The following BRPF3 variants were observed in gnomAD, a reference collection of about 807,000 sequenced individuals.
BRPF3 encodes bromodomain and PHD finger-containing protein 3.
A neutral mutation model predicts 102.0 loss-of-function variants in BRPF3; 18 were observed. The observed-to-expected ratio is 0.18, with a 90% confidence interval of 0.12 to 0.26. The LOEUF (loss-of-function observed/expected upper bound fraction) is 0.26, where lower values mean the gene tolerates loss of function less well. Ranked by LOEUF, BRPF3 falls within the 10% of genes least tolerant of loss-of-function variation. The pLI, the probability that BRPF3 is intolerant of heterozygous loss-of-function variation, is 1.00. For synonymous variants in BRPF3, 570 were observed against 614.2 expected (o/e 0.93, Z 1.06); for missense variants, 1,147 against 1,567.8 (o/e 0.73, Z 4.53).
chr6:36,230,817 A>C lies in BRPF3; in HGVS notation c.*208A>C. ...GGCCTGCTGTGTGCCAAAAACTCCC[A>C]CCCAAGGTCCCTCAGGGGATATTTC... On this transcript the variant is annotated 3_prime_UTR_variant, in exon 13 of 13. Transcript: ENST00000357641. The surrounding 1 kb of genome is among the most constrained non-coding windows in gnomAD (Gnocchi z 5.4). 1.7e-6 allele frequency: 1 copy of C among 590,554 alleles called. No individual in the cohort carries two copies. The highest frequency in any genetic ancestry group is 2.3e-5 in the South Asian group (1 of 43,846). 36.6% of individuals were successfully genotyped at this position (590,554 alleles called of 1,614,324 possible).
rs897865059 is a variant in BRPF3, at chr6:36,211,656, G to A, written c.2482+96G>A. 2.8e-6 allele frequency: 4 copies of A among 1,419,684 alleles called. No individual in the cohort carries two copies. The African/African-American group carries it at 5.7e-5, about 20-fold the overall frequency. 87.9% of individuals were successfully genotyped at this position (1,419,684 alleles called of 1,614,324 possible). On this transcript the variant is annotated intron_variant, in intron 7 of 12. Transcript: ENST00000357641. ...AATGGGGGTATTCTTTCTGAGTTTA[G>A]ATCTGACACTTGTGGGCAAGCAAAA...
Position 36,210,685 on chromosome 6 carries a change from A to C in BRPF3, c.2179+157A>C, listed in dbSNP as rs1768074240. Among the ~76,000 whole-genome samples the C allele has an allele frequency of 6.6e-6, 1 of 152,204 alleles. No individual in the cohort carries two copies. On this transcript the variant is annotated intron_variant, in intron 6 of 12. Transcript: ENST00000357641. This position sits in a 1 kb window ranked among gnomAD's most constrained non-coding sequence, Gnocchi z 4.7. Reference sequence around the variant, plus strand: ...GACTGAGGTATACCTTTGTGGCTAGAATAGTTCTAAGGGTTAAAGTTTAAC... The same window carrying C: ...GACTGAGGTATACCTTTGTGGCTAGCATAGTTCTAAGGGTTAAAGTTTAAC...
In BRPF3 at chr6:36,211,223, C is replaced by CT. The variant is rs762617606; in HGVS notation, c.2180-33dup. The CT allele has an allele frequency of 1.9e-6, 3 of 1,598,250 alleles. No individual in the cohort carries two copies. The South Asian group carries it at 3.4e-5, about 18-fold the overall frequency. On this transcript the variant is annotated intron_variant, in intron 6 of 12. Transcript: ENST00000357641. ...TCTCTTGCCCTGTGCTGGGCAGGTCCTTCAGCCCCTTCTGTCCTCCCTTCT... is the reference window on the plus strand; with the variant it reads ...TCTCTTGCCCTGTGCTGGGCAGGTCCTTTCAGCCCCTTCTGTCCTCCCTTCT...
chr6:36,209,694 A>G (rs1411292896), intron 4 of BRPF3, 93 bp from the exon 5 acceptor site: 3 of 1,495,650 alleles, frequency 2.0e-6, no homozygotes, highest in African/African-American at 2.8e-5. Context: ...AATTTGTTGT[A>G]CAAGATTGGT....
In BRPF3 at chr6:36,225,259, A is replaced by AC. The variant is rs1297329061; in HGVS notation, c.3182-3dup. 6.2e-7 allele frequency: 1 copy of AC among 1,603,064 alleles called. No homozygotes were observed. Among genetic ancestry groups the AC allele is most frequent in the South Asian group, 1.1e-5 (1 of 90,972 alleles). ...TGGGTGCTGTCTCCTCCCCTCCCCCACCCCCAGGCAGAAGCCTCCTGCTGC... is the reference window on the plus strand; with the variant it reads ...TGGGTGCTGTCTCCTCCCCTCCCCCACCCCCCAGGCAGAAGCCTCCTGCTGC... On this transcript the variant is annotated splice_polypyrimidine_tract_variant and splice_region_variant and intron_variant, in intron 10 of 12. Coordinates refer to ENST00000357641, the MANE Select transcript of BRPF3 (RefSeq NM_015695.3).
At chr6:36,213,783 C>A in intron 7 of BRPF3, 97 bp from the exon 8 acceptor site, 1 of 1,261,780 alleles carries the variant, frequency 7.9e-7, no homozygotes, top group South Asian at 1.5e-5. Flanking sequence ...CTTATAACAG[C>A]CAATGCTTTT....
At chr6:36,197,662 G>T (rs1399177648) in intron 1 of BRPF3, 1 of 151,830 alleles carries the variant, frequency 6.6e-6, no homozygotes, top group African/African-American at 2.4e-5. Context: ...GGGAAATCTG[G>T]GGGGGCGGGG....
chr6:36,201,741 G>T lies in BRPF3; in HGVS notation c.1419G>T (p.Met473Ile), dbSNP rs1270511581. 1.9e-6 allele frequency: 3 copies of T among 1,610,796 alleles called. No homozygotes were observed. Among genetic ancestry groups the T allele is most frequent in the African/African-American group, 2.7e-5 (2 of 74,892 alleles). ...AAGACACACCCTCCACTCTCCCCAT[G>T]CTTGCTGTCCCACAGATACCCTCTT... Reference protein sequence around the residue: ...AGQDTPSTLPMLAVPQIPSYR... With the variant: ...AGQDTPSTLPILAVPQIPSYR... The change falls in exon 2 of 13, where the codon ATG (methionine) becomes ATT (isoleucine). Residue 473 changes from methionine to isoleucine, a missense_variant. By Grantham distance (10) the Met-to-Ile change is conservative. Around this residue, in one of 11 missense-constraint regions of BRPF3, gnomAD observed 157 missense variants for 163.6 expected, o/e 0.96. Coordinates refer to ENST00000357641, the MANE Select transcript of BRPF3 (RefSeq NM_015695.3). This position sits in a 1 kb window ranked among gnomAD's most constrained non-coding sequence, Gnocchi z 5.1.
intron 4 of BRPF3, among the ~76,000 whole-genome samples, chr6:36,207,662 A>G (rs1767953074): frequency 6.6e-6 from 1 of 152,208 alleles, no homozygotes; most frequent in South Asian, 2.1e-4. Context: ...GGCCTCAAGC[A>G]TAAGCTTAAT....
At chr6:36,218,320 T>G (rs1581978023) in intron 9 of BRPF3, among the ~76,000 whole-genome samples, 1 of 152,052 alleles carries the variant, frequency 6.6e-6, no homozygotes, top group African/African-American at 2.4e-5. Flanking sequence ...TGAGCCAAAG[T>G]CCCCTGCTGC....
intron 1 of BRPF3, among the ~76,000 whole-genome samples, chr6:36,199,918 T>C (rs1029979250): frequency 3.9e-5 from 6 of 152,168 alleles, no homozygotes; most frequent in African/African-American, 1.4e-4. Flanking sequence ...CAAACAAAAA[T>C]TCTTCCCCTC....
Position 36,222,350 on chromosome 6 carries a change from G to A in BRPF3, c.3181+85G>A, listed in dbSNP as rs548618030. On this transcript the variant is annotated intron_variant, in intron 10 of 12. Transcript: ENST00000357641. ...CAGGCTGCTGCACTGCTGGGGCTCCGTACCAGGCAGCCAGTCCTTGAGCTC... is the reference window on the plus strand; with the variant it reads ...CAGGCTGCTGCACTGCTGGGGCTCCATACCAGGCAGCCAGTCCTTGAGCTC... The A allele has an allele frequency of 1.0e-4, 132 of 1,286,486 alleles. No homozygotes were observed. The African/African-American group carries it at 1.5e-3, about 14-fold the overall frequency. 79.7% of individuals were successfully genotyped at this position (1,286,486 alleles called of 1,614,324 possible). A position where few individuals can be genotyped will look rare whatever the true frequency, so the allele number is the denominator to read the frequency against.
chr6:36,201,375 A>G lies in BRPF3; in HGVS notation c.1053A>G (p.Thr351=). ...ACTGCTACACAGCATTCCATGTGAC[A>G]TGTGCACAGCGGGCTGGGCTCTTCA... is the stretch of plus-strand genomic sequence containing the variant. ...KVNCYTAFHV[T]CAQRAGLFMK... Residue 351 remains threonine, a synonymous_variant, in exon 2 of 13, where the codon ACA becomes ACG. Coordinates refer to ENST00000357641, the MANE Select transcript of BRPF3 (RefSeq NM_015695.3). The surrounding 1 kb of genome is among the most constrained non-coding windows in gnomAD (Gnocchi z 5.1). The G allele has an allele frequency of 6.2e-7, 1 of 1,614,182 alleles. No homozygotes were observed. The highest frequency in any genetic ancestry group is 1.1e-5 in the South Asian group (1 of 91,088).
rs1767707765 is a variant in BRPF3, at chr6:36,201,681, G to A, written c.1359G>A (p.Lys453=). ...GVPKKSKMSL[K]QKIKKEPEEA... ...CCAAGAAAAGCAAGATGAGTTTGAA[G>A]CAGAAGATCAAGAAGGAGCCAGAGG... The change falls in exon 2 of 13, where the codon AAG becomes AAA. Residue 453 remains lysine, a synonymous_variant. Transcript: ENST00000357641. The surrounding 1 kb of genome is among the most constrained non-coding windows in gnomAD (Gnocchi z 5.1). The A allele has an allele frequency of 6.2e-7, 1 of 1,614,202 alleles. No individual in the cohort carries two copies. Among genetic ancestry groups the A allele is most frequent in the East Asian group, 2.2e-5 (1 of 44,880 alleles).
Position 36,213,909 on chromosome 6 carries a change from C to T in BRPF3, c.2512C>T (p.Leu838=). 1 of 1,611,674 alleles carries T rather than the reference C, an allele frequency of 6.2e-7. No individual in the cohort carries two copies. Among genetic ancestry groups the T allele is most frequent in the Non-Finnish European group, 8.5e-7 (1 of 1,178,338 alleles). Residue 838 remains leucine, a synonymous_variant, in exon 8 of 13, where the codon CTG becomes TTG. Coordinates refer to ENST00000357641, the MANE Select transcript of BRPF3 (RefSeq NM_015695.3). ...DDSKLPPPPT[L]EPTGPAPSLS... is the part of the protein sequence containing the mutation. ...CTCCAAACTGCCTCCTCCGCCAACC[C>T]TGGAGCCCACTGGGCCTGCACCTTC...
intron 3 of BRPF3, 137 bp downstream of exon 3, chr6:36,204,951 A>G: frequency 5.4e-6 from 6 of 1,118,408 alleles, no homozygotes; most frequent in Non-Finnish European, 7.6e-6. Flanking sequence ...GGCCTATCCC[A>G]GGAACAACCC....
At chr6:36,198,206 A>C (rs534830979) in intron 1 of BRPF3, among the ~76,000 whole-genome samples, 6 of 152,316 alleles carry the variant, frequency 3.9e-5, no homozygotes, top group African/African-American at 1.4e-4. Context: ...ACTGCTCCTC[A>C]GCCAAATTGG....
At chr6:36,204,268 C>T (rs952749944) in intron 2 of BRPF3, 10 of 228,304 alleles carry the variant, frequency 4.4e-5, no homozygotes, top group East Asian at 2.5e-4. Context: ...ATAGTGGCCA[C>T]ATTAACCATA....
In BRPF3 at chr6:36,210,032, T is replaced by G; in HGVS notation, c.1866+117T>G. 1 of 1,470,698 alleles carries G rather than the reference T, an allele frequency of 6.8e-7. No individual in the cohort carries two copies. Among genetic ancestry groups the G allele is most frequent in the Non-Finnish European group, 9.3e-7 (1 of 1,077,592 alleles). The allele number at this position is 1,470,698 out of a possible 1,614,324, so 91.1% of individuals were successfully genotyped here. ...AAAACCAGGGGTAGGAGGGTGGGTC[T>G]GGCAAAGCTAGTAGACTTGCCCTTG... On this transcript the variant is annotated intron_variant, in intron 5 of 12. Coordinates refer to ENST00000357641, the MANE Select transcript of BRPF3 (RefSeq NM_015695.3). This position sits in a 1 kb window ranked among gnomAD's most constrained non-coding sequence, Gnocchi z 4.7.
Sources: allele counts gnomAD v4.1 joint callset (sites outside exome capture counted in the v4.1 genomes callset), GRCh38; gene constraint gnomAD v4.1.1; regional missense constraint gnomAD v4.1.1; non-coding constraint Gnocchi (gnomAD v3.1); transcripts MANE v1.5; gene names NCBI Gene and HGNC (gene_info 2026-07-23, HGNC 2026-07-21).